Variants in NSUN7 observed in about 807,000 individuals in gnomAD.
NSUN7 encodes NOP2/Sun RNA methyltransferase family member 7, also known as protein NSUN7.
In NSUN7, 39 loss-of-function variants were observed where a neutral mutation model predicts 58.5. The observed-to-expected ratio is 0.67, with a 90% confidence interval of 0.52 to 0.87. NSUN7 has a LOEUF of 0.87. Ranked by LOEUF, NSUN7 falls within the 40% of genes least tolerant of loss-of-function variation. The probability of loss-of-function intolerance (pLI) is 0.00; values close to 1 mark genes in which losing one functional copy is unlikely to be tolerated. For missense variants in NSUN7, 765 were observed against 844.1 expected (o/e 0.91, Z 1.16); for synonymous variants, 278 against 303.7 (o/e 0.92, Z 0.88).
At chr4:40,769,980 C>T (rs545461526) in intron 4 of NSUN7, among the ~76,000 whole-genome samples, 33 of 152,106 alleles carry the variant, frequency 2.2e-4, no homozygotes, top group African/African-American at 6.5e-4. Context: ...GAGGCCGAGG[C>T]GGGTGGATCT....
At position 40,761,206 on chromosome 4, in the gene NSUN7, A is replaced by G. The variant is rs1741447149; in HGVS notation, c.393A>G (p.Leu131=). 2 of 1,585,638 alleles carry G rather than the reference A, an allele frequency of 1.3e-6. No individual in the cohort carries two copies. Among genetic ancestry groups the G allele is most frequent in the East Asian group, 2.3e-5 (1 of 43,640 alleles). Residue 131 remains leucine (L), a synonymous_variant, in exon 4 of 12, where the codon CTA becomes CTG. Coordinates refer to ENST00000381782, the MANE Select transcript of NSUN7 (RefSeq NM_024677.6). ...DHLSSLIIVM[L]YDFQDRKFQT... Reference sequence around the variant, plus strand: ...TGAGCAGTCTTATTATTGTGATGCTATATGATTTCCAAGATAGAAAATTTC... The same window carrying G: ...TGAGCAGTCTTATTATTGTGATGCTGTATGATTTCCAAGATAGAAAATTTC...
At position 40,780,813 on chromosome 4, in the gene NSUN7, A is replaced by ATT. The variant is rs1171816788; in HGVS notation, c.1036+4577_1036+4578dup. Among the ~76,000 whole-genome samples, 276 of 63,278 alleles carry ATT rather than the reference A, an allele frequency of 4.4e-3. 7 individuals carry two copies. Among genetic ancestry groups the ATT allele is most frequent in the East Asian group, 6.3e-3 (13 of 2,066 alleles). 41.5% of individuals were successfully genotyped at this position (63,278 alleles called of 152,430 possible). ...TACACATATATATATATATATATAT[A>ATT]TTTTTTTTTTTTTTTTTTTTTTTTG... is the stretch of plus-strand genomic sequence containing the variant. On this transcript the variant is annotated intron_variant, in intron 7 of 11. Transcript: ENST00000381782.
At chr4:40,771,585 G>C (rs1742011972) in intron 4 of NSUN7, among the ~76,000 whole-genome samples, 1 of 152,022 alleles carries the variant, frequency 6.6e-6, no homozygotes, top group Non-Finnish European at 1.5e-5. Flanking sequence ...TTATGGATGA[G>C]AGTGATGGGA....
chr4:40,802,971 G>A (rs1409353868), intron 10 of NSUN7, among the ~76,000 whole-genome samples: 3 of 121,964 alleles, frequency 2.5e-5, no homozygotes, highest in Non-Finnish European at 4.7e-5. Flanking sequence ...AGAGTGTGAT[G>A]TTCCCCTTCC....
intron 7 of NSUN7, among the ~76,000 whole-genome samples, chr4:40,784,562 C>T (rs560615148): frequency 2.0e-5 from 3 of 152,236 alleles, no homozygotes; most frequent in Admixed American, 6.5e-5. Flanking sequence ...GGACAATATC[C>T]CAAATAGGCA....
chr4:40,777,783 T>C (rs1742342093), intron 7 of NSUN7, among the ~76,000 whole-genome samples: 1 of 152,232 alleles, frequency 6.6e-6, no homozygotes, highest in East Asian at 1.9e-4. Context: ...TTTACTTTTT[T>C]GAGACAGGGT....
Position 40,811,117 on chromosome 4 carries a change from T to G in NSUN7, c.*2178T>G, listed in dbSNP as rs1156310570. 6.6e-6 allele frequency: 1 copy of G among 152,220 alleles called. No homozygotes were observed. Among genetic ancestry groups the G allele is most frequent in the Non-Finnish European group, 1.5e-5 (1 of 68,042 alleles). The allele number at this position is 152,220 out of a possible 1,614,324, so 9.4% of individuals were successfully genotyped here. On this transcript the variant is annotated 3_prime_UTR_variant, in exon 12 of 12. Transcript: ENST00000381782. Reference sequence around the variant, plus strand: ...ACATTGATTATCTCCTAACATGCATTTGGCACTAAATTATTTTTCTCTTTA... The same window carrying G: ...ACATTGATTATCTCCTAACATGCATGTGGCACTAAATTATTTTTCTCTTTA...
chr4:40,761,950 T>C (rs1462252933), intron 4 of NSUN7, among the ~76,000 whole-genome samples: 2 of 152,228 alleles, frequency 1.3e-5, no homozygotes, highest in Non-Finnish European at 2.9e-5. Flanking sequence ...AGAATTCATG[T>C]ATTGGAAACT....
At chr4:40,767,544 A>G (rs1741793775) in intron 4 of NSUN7, among the ~76,000 whole-genome samples, 1 of 152,198 alleles carries the variant, frequency 6.6e-6, no homozygotes, top group Non-Finnish European at 1.5e-5. Context: ...TGGTGCTGAA[A>G]AAAGTGTATA....
chr4:40,773,836 T>C (rs965895412), intron 4 of NSUN7, among the ~76,000 whole-genome samples: 3 of 152,160 alleles, frequency 2.0e-5, no homozygotes, highest in African/African-American at 7.2e-5. Flanking sequence ...AGTTTTGCTC[T>C]TGTTGCCCAG....
chr4:40,781,552 T>C (rs1742567361), intron 7 of NSUN7, among the ~76,000 whole-genome samples: 1 of 152,190 alleles, frequency 6.6e-6, no homozygotes, highest in African/African-American at 2.4e-5. Context: ...GCCCCATCGA[T>C]ACTCCTGCTC....
chr4:40,793,019 T>C (rs1743163569), intron 8 of NSUN7, among the ~76,000 whole-genome samples: 1 of 152,170 alleles, frequency 6.6e-6, no homozygotes, highest in Non-Finnish European at 1.5e-5. Context: ...ATATATGAAG[T>C]TGGTCCTTGC....
intron 4 of NSUN7, chr4:40,762,687 GA>G (rs945231995): frequency 6.6e-6 from 1 of 152,198 alleles, no homozygotes; most frequent in Admixed American, 6.5e-5. Flanking sequence ...GGCCTGTTAG[GA>G]ACTGGGCAGC....
intron 4 of NSUN7, among the ~76,000 whole-genome samples, chr4:40,769,514 CAGCAGTCTTGCTGAGTTA>C (rs1425288636): frequency 6.6e-6 from 1 of 152,202 alleles, no homozygotes; most frequent in Non-Finnish European, 1.5e-5. Context: ...AAGTAGAAAA[CAGCAGTCTTGCTGAGTTA>C]AGAAAACAGA....
intron 7 of NSUN7, among the ~76,000 whole-genome samples, chr4:40,778,166 G>T (rs182993706): frequency 6.6e-6 from 1 of 152,270 alleles, no homozygotes; most frequent in Non-Finnish European, 1.5e-5. Flanking sequence ...TATGAAAGAG[G>T]TCATAAGACA....
intron 7 of NSUN7, among the ~76,000 whole-genome samples, chr4:40,784,735 T>C (rs1393575512): frequency 6.6e-6 from 1 of 152,218 alleles, no homozygotes; most frequent in Non-Finnish European, 1.5e-5. Flanking sequence ...GTGAATGTAC[T>C]CAAAAGAACC....
chr4:40,798,107 C>T (rs147669815), intron 9 of NSUN7, among the ~76,000 whole-genome samples: 26 of 152,322 alleles, frequency 1.7e-4, no homozygotes, highest in East Asian at 1.3e-3. Context: ...CTCTATCCCT[C>T]ACCCGGCTCT....
intron 4 of NSUN7, among the ~76,000 whole-genome samples, chr4:40,766,159 C>T (rs1741713055): frequency 6.6e-6 from 1 of 152,086 alleles, no homozygotes; most frequent in Admixed American, 6.6e-5. Flanking sequence ...TGTCTTGTGC[C>T]AGTTTTCCAA....
At chr4:40,780,048 A>G (rs1054457538) in intron 7 of NSUN7, among the ~76,000 whole-genome samples, 3 of 152,154 alleles carry the variant, frequency 2.0e-5, no homozygotes, top group African/African-American at 7.2e-5. Context: ...TTAGGAGGCA[A>G]GGCAGGAGGA....
Sources: allele counts gnomAD v4.1 joint callset (sites outside exome capture counted in the v4.1 genomes callset), GRCh38; gene constraint gnomAD v4.1.1; transcripts MANE v1.5; gene names NCBI Gene and HGNC (gene_info 2026-07-23, HGNC 2026-07-21).